The following FRMPD4 variants were observed in gnomAD, a reference collection of about 807,000 sequenced individuals.
The protein encoded by FRMPD4 is FERM and PDZ domain containing 4, also known as FERM and PDZ domain-containing protein 4.
FRMPD4 carries 22 observed loss-of-function variants against 94.1 expected under a neutral mutation model. The observed-to-expected ratio is 0.23, with a 90% confidence interval of 0.17 to 0.33. The LOEUF is 0.33. FRMPD4 is among the 10% of genes least tolerant of loss of function. FRMPD4 has a pLI of 1.00. For missense variants in FRMPD4, 1,111 were observed against 1,339.9 expected, an observed-to-expected ratio of 0.83 and a Z score of 2.67; for synonymous variants, 631 against 548.6, an observed-to-expected ratio of 1.15 and a Z score of -2.10.
At chrX:11,855,299 AG>A (rs1347100719) in intron 1 of FRMPD4, among the ~76,000 whole-genome samples, 1 of 111,448 alleles carries the variant, frequency 9.0e-6, no homozygotes, top group Non-Finnish European at 1.9e-5. Context: ...CTGTGATGGG[AG>A]GGGCTGCCAC....
chrX:11,972,321 G>A (rs774456663), intron 3 of FRMPD4, among the ~76,000 whole-genome samples: 10 of 111,698 alleles, frequency 9.0e-5, no homozygotes, highest in Non-Finnish European at 1.7e-4. Flanking sequence ...AATCTGGGAT[G>A]AAATATGAAT....
At chrX:12,361,916 C>T (rs1048300357) in intron 1 of FRMPD4, among the ~76,000 whole-genome samples, 4 of 111,609 alleles carry the variant, frequency 3.6e-5, no homozygotes, top group African/African-American at 1.3e-4. Context: ...ACATGGTCTC[C>T]TGTGTGTTTC....
chrX:12,109,893 A>G (rs1374151148), intron 3 of FRMPD4, among the ~76,000 whole-genome samples: 2 of 111,944 alleles, frequency 1.8e-5, no homozygotes, highest in Admixed American at 1.9e-4. Context: ...CCCGGAATTG[A>G]CCAATAACAG....
chrX:11,830,332 T>C (rs951221478), intron 1 of FRMPD4, among the ~76,000 whole-genome samples: 5 of 112,295 alleles, frequency 4.5e-5, no homozygotes, highest in African/African-American at 1.6e-4. Context: ...TAGTTATATA[T>C]GTATGTTTTA....
chrX:12,075,004 T>C (rs764303599), intron 3 of FRMPD4, among the ~76,000 whole-genome samples: 15 of 112,068 alleles, frequency 1.3e-4, no homozygotes, highest in Non-Finnish European at 2.8e-4. Flanking sequence ...CAAAGGGCAA[T>C]TTACTTGGCT....
intron 3 of FRMPD4, among the ~76,000 whole-genome samples, chrX:11,961,050 C>G (rs186361466): frequency 8.9e-6 from 1 of 111,795 alleles, no homozygotes; most frequent in Admixed American, 9.5e-5. Flanking sequence ...GTTTTTTTCT[C>G]TTGCCCTTGG....
intron 3 of FRMPD4, among the ~76,000 whole-genome samples, chrX:12,052,076 T>C (rs1259334249): frequency 2.7e-5 from 3 of 111,995 alleles, no homozygotes; most frequent in Non-Finnish European, 5.6e-5. Flanking sequence ...ACCTCAAAGA[T>C]ATTTTTAATT....
chrX:11,841,094 G>C (rs951259983), intron 1 of FRMPD4, among the ~76,000 whole-genome samples: 2 of 109,510 alleles, frequency 1.8e-5, no homozygotes, highest in Non-Finnish European at 3.8e-5. Flanking sequence ...TTTTATGGCT[G>C]CATAGTATTC....
At chrX:12,263,656 A>G (rs935517318) in intron 1 of FRMPD4, among the ~76,000 whole-genome samples, 1 of 111,536 alleles carries the variant, frequency 9.0e-6, no homozygotes, top group Non-Finnish European at 1.9e-5. Context: ...CTGGGTAGCT[A>G]TAGAGGTGAG....
intron 1 of FRMPD4, among the ~76,000 whole-genome samples, chrX:12,402,562 G>A (rs1053756684): frequency 3.6e-5 from 4 of 111,795 alleles, no homozygotes; most frequent in African/African-American, 1.3e-4. Context: ...GAATTGGCCC[G>A]TTTTATTTGA....
At chrX:12,094,601 G>A (rs1189833058) in intron 3 of FRMPD4, among the ~76,000 whole-genome samples, 2 of 111,828 alleles carry the variant, frequency 1.8e-5, no homozygotes, top group African/African-American at 6.5e-5. Flanking sequence ...AGTAGGGTGT[G>A]GTTAAATGTA....
intron 2 of FRMPD4, among the ~76,000 whole-genome samples, chrX:12,565,095 A>G (rs997380013): frequency 1.2e-4 from 13 of 110,844 alleles, no homozygotes; most frequent in African/African-American, 4.3e-4. Flanking sequence ...TCAAAAAAAA[A>G]AGTAGCATAG....
chrX:11,952,252 C>G (rs978823370), intron 3 of FRMPD4, among the ~76,000 whole-genome samples: 1 of 111,696 alleles, frequency 9.0e-6, no homozygotes, highest in Non-Finnish European at 1.9e-5. Context: ...CTTTATCTCC[C>G]TAAGGAGACC....
chrX:11,998,242 C>T (rs1466921225), intron 3 of FRMPD4, among the ~76,000 whole-genome samples: 1 of 111,732 alleles, frequency 8.9e-6, no homozygotes, highest in East Asian at 2.8e-4. Context: ...TCCGGCATAA[C>T]ACCTACTACA....
intron 1 of FRMPD4, among the ~76,000 whole-genome samples, chrX:12,235,075 A>G (rs1431339957): frequency 2.7e-5 from 3 of 111,954 alleles, no homozygotes; most frequent in East Asian, 2.8e-4. Flanking sequence ...TGGGCTTTCA[A>G]TGGATTCTTT....
intron 4 of FRMPD4, among the ~76,000 whole-genome samples, chrX:12,630,596 T>C (rs1052553710): frequency 5.4e-5 from 6 of 112,133 alleles, no homozygotes; most frequent in Non-Finnish European, 1.1e-4. Flanking sequence ...AGTGGACAGA[T>C]AGGAAAAATA....
chrX:12,599,449 A>G (rs952177143), intron 2 of FRMPD4, among the ~76,000 whole-genome samples: 1 of 111,837 alleles, frequency 8.9e-6, no homozygotes, highest in East Asian at 2.8e-4. Flanking sequence ...GATTCAATCT[A>G]TCAGAGCCCA....
intron 1 of FRMPD4, among the ~76,000 whole-genome samples, chrX:12,390,192 T>G (rs2056456149): frequency 8.9e-6 from 1 of 112,411 alleles, no homozygotes; most frequent in Admixed American, 9.4e-5. Context: ...GCCACCATTG[T>G]GGTTTTATTT....
intron 1 of FRMPD4, among the ~76,000 whole-genome samples, chrX:12,479,405 CAT>C (rs747144592): frequency 1.1e-5 from 1 of 87,232 alleles, no homozygotes; most frequent in African/African-American, 4.0e-5. Flanking sequence ...CATATATACA[CAT>C]ATATATACAT....
Sources: allele counts gnomAD v4.1 joint callset (sites outside exome capture counted in the v4.1 genomes callset), GRCh38; gene constraint gnomAD v4.1.1; transcripts MANE v1.5; gene names NCBI Gene and HGNC (gene_info 2026-07-23, HGNC 2026-07-21).